The following PBX1 variants were observed in gnomAD, a reference collection of about 807,000 sequenced individuals.
PBX1 encodes the protein pre-B-cell leukemia transcription factor 1.
Under a neutral mutation model 53.4 loss-of-function variants are expected in PBX1, and 6 were observed. The ratio of observed to expected loss-of-function variants is 0.11; its 90% CI spans 0.06 to 0.22. The LOEUF (loss-of-function observed/expected upper bound fraction) is 0.22, where lower values mean the gene tolerates loss of function less well. PBX1 is among the 10% of genes least tolerant of loss of function. The probability of loss-of-function intolerance (pLI) is 1.00; values close to 1 mark genes in which losing one functional copy is unlikely to be tolerated. For missense variants in PBX1, 251 were observed against 551.4 expected (o/e 0.46, Z 5.46); for synonymous variants, 204 against 212.3 (o/e 0.96, Z 0.34).
At chr1:164,876,395 C>T (rs989389027) in intron 2 of PBX1, among the ~76,000 whole-genome samples, 3 of 151,504 alleles carry the variant, frequency 2.0e-5, no homozygotes, top group Admixed American at 2.0e-4. Context: ...CCTCATTTCT[C>T]GGTGGGACAA....
chr1:164,569,330 TA>T (rs1279599518), intron 2 of PBX1, among the ~76,000 whole-genome samples: 1 of 152,138 alleles, frequency 6.6e-6, no homozygotes, highest in Non-Finnish European at 1.5e-5. Flanking sequence ...GTACTTATCT[TA>T]GAGGGTCGCT....
At chr1:164,707,418 T>TGTGTGTGAGAGAGAGAGA (rs58617739) in intron 2 of PBX1, among the ~76,000 whole-genome samples, 44 of 118,250 alleles carry the variant, frequency 3.7e-4, no homozygotes, top group African/African-American at 1.6e-3. Flanking sequence ...TGTGTGTGTG[T>TGTGTGTGAGAGAGAGAGA]GAGAGAGAGA....
chr1:164,732,173 GGTATGGGAGAT>G lies in PBX1; in HGVS notation c.266-60318_266-60308del, dbSNP rs1270036011. On this transcript the variant is annotated intron_variant, in intron 2 of 8. Transcript: ENST00000420696. ...AGCCAACATTCTGTGTTGGTGCTGA[GGTATGGGAGAT>G]GTTCACCACAGGTAATTGGAACAGA... 2.6e-5 allele frequency among the ~76,000 whole-genome samples: 4 copies of G among 152,238 alleles called. No individual in the cohort carries two copies. In the East Asian group the frequency reaches 5.8e-4, roughly 22 times the overall value.
chr1:164,654,441 G>A (rs1464877304), intron 2 of PBX1, among the ~76,000 whole-genome samples: 4 of 152,158 alleles, frequency 2.6e-5, no homozygotes, highest in African/African-American at 9.7e-5. Context: ...TTATCTCATC[G>A]CTGATGGCCT....
At chr1:164,634,450 A>C (rs778869712) in intron 2 of PBX1, among the ~76,000 whole-genome samples, 3 of 152,198 alleles carry the variant, frequency 2.0e-5, no homozygotes, top group African/African-American at 7.2e-5. Flanking sequence ...TATTTCATGA[A>C]CACTTTGAAA....
At chr1:164,796,019 ATT>A (rs10717463) in intron 3 of PBX1, among the ~76,000 whole-genome samples, 178 of 142,546 alleles carry the variant, frequency 1.2e-3, no homozygotes, top group African/African-American at 2.2e-3. Flanking sequence ...TTTTGAAGAC[ATT>A]TTTTTTTTTT....
intron 2 of PBX1, among the ~76,000 whole-genome samples, chr1:164,634,371 C>T (rs566001059): frequency 5.5e-4 from 84 of 152,254 alleles, no homozygotes; most frequent in Non-Finnish European, 9.3e-4. Flanking sequence ...AATAAAACAC[C>T]GATACAGGTA....
intron 2 of PBX1, among the ~76,000 whole-genome samples, chr1:164,678,356 G>A (rs1320011114): frequency 6.6e-6 from 1 of 152,156 alleles, no homozygotes; most frequent in South Asian, 2.1e-4. Context: ...AGCATAGAAG[G>A]CATAATCCTC....
chr1:164,613,401 C>T (rs1657066793), intron 2 of PBX1, among the ~76,000 whole-genome samples: 1 of 152,160 alleles, frequency 6.6e-6, no homozygotes, highest in Non-Finnish European at 1.5e-5. Context: ...GTACTGTGTT[C>T]TCTGCCTTGA....
In PBX1 at chr1:164,679,009, A is replaced by G. The variant is rs573390556; in HGVS notation, c.266-113485A>G. On this transcript the variant is annotated intron_variant, in intron 2 of 8. Transcript: ENST00000420696. Reference sequence around the variant, plus strand: ...ACATAGGCAGAGGGAGAAAACACTAAATTCATATTCTACATGTATCTTCTT... The same window carrying G: ...ACATAGGCAGAGGGAGAAAACACTAGATTCATATTCTACATGTATCTTCTT... Among the ~76,000 whole-genome samples, 12 of 152,288 alleles carry G rather than the reference A, an allele frequency of 7.9e-5. No individual in the cohort carries two copies. The South Asian group carries it at 2.5e-3, about 32-fold the overall frequency.
chr1:164,564,770 G>A (rs192557275), intron 2 of PBX1, among the ~76,000 whole-genome samples: 26 of 151,782 alleles, frequency 1.7e-4, no homozygotes, highest in Admixed American at 1.4e-3. Flanking sequence ...ACACTTTTTA[G>A]TTTCTTTTTT....
At chr1:164,720,863 C>T (rs188833113) in intron 2 of PBX1, among the ~76,000 whole-genome samples, 27 of 152,300 alleles carry the variant, frequency 1.8e-4, no homozygotes, top group African/African-American at 6.3e-4. Context: ...GGAGGGCTTC[C>T]TCTGTACTGG....
intron 2 of PBX1, chr1:164,770,850 G>C (rs541485399): frequency 6.6e-6 from 1 of 152,332 alleles, no homozygotes; most frequent in East Asian, 1.9e-4. Flanking sequence ...AGAGGCATAG[G>C]TCAGTAAAAG....
At position 164,700,869 on chromosome 1, in the gene PBX1, C is replaced by T. The variant is rs551414738; in HGVS notation, c.266-91625C>T. ...GATATGGACTCCCATCTGCCTCTGACAGTTGCCTGCTGTGTGGCCTTGAGC... is the reference window on the plus strand; with the variant it reads ...GATATGGACTCCCATCTGCCTCTGATAGTTGCCTGCTGTGTGGCCTTGAGC... On this transcript the variant is annotated intron_variant, in intron 2 of 8. Transcript: ENST00000420696. Among the ~76,000 whole-genome samples, 13 of 152,316 alleles carry T rather than the reference C, an allele frequency of 8.5e-5. No individual in the cohort carries two copies. In the South Asian group the frequency reaches 2.7e-3, roughly 32 times the overall value.
At chr1:164,763,625 G>T (rs1195620592) in intron 2 of PBX1, among the ~76,000 whole-genome samples, 1 of 152,202 alleles carries the variant, frequency 6.6e-6, no homozygotes, top group African/African-American at 2.4e-5. Flanking sequence ...CATTTTAATT[G>T]TCTAGATCTG....
chr1:164,591,566 A>G (rs1229876978), intron 2 of PBX1, among the ~76,000 whole-genome samples: 1 of 152,178 alleles, frequency 6.6e-6, no homozygotes, highest in East Asian at 1.9e-4. Context: ...CATACAATAA[A>G]TGTTCTAATT....
intron 2 of PBX1, among the ~76,000 whole-genome samples, chr1:164,723,755 G>T (rs1239330402): frequency 6.6e-6 from 1 of 152,220 alleles, no homozygotes; most frequent in Non-Finnish European, 1.5e-5. Context: ...CTCTCAGGCA[G>T]CTGGTGATGT....
At chr1:164,692,038 T>C (rs1012072021) in intron 2 of PBX1, among the ~76,000 whole-genome samples, 2 of 152,206 alleles carry the variant, frequency 1.3e-5, no homozygotes, top group African/African-American at 4.8e-5. Context: ...CTATTACGTA[T>C]ATGCAAAAAT....
intron 2 of PBX1, among the ~76,000 whole-genome samples, chr1:164,870,209 T>TTTCTTTTC (rs1558053527): frequency 8.1e-6 from 1 of 123,012 alleles, no homozygotes; most frequent in Admixed American, 8.3e-5. Context: ...TCTTTCTTTC[T>TTTCTTTTC]TTTCTTTCTT....
Sources: gnomAD v4.1 joint callset for allele counts (sites outside exome capture counted in the v4.1 genomes callset) on GRCh38, gnomAD v4.1.1 for gene constraint, MANE v1.5 for transcripts, NCBI Gene and HGNC (gene_info 2026-07-23, HGNC 2026-07-21) for gene names.